Variants in WWTR1 observed in about 807,000 individuals in gnomAD.
The protein encoded by WWTR1 is WW domain containing transcription regulator 1.
Under a neutral mutation model 40.1 loss-of-function variants are expected in WWTR1, and 13 were observed. The ratio of observed to expected loss-of-function variants is 0.32; its 90% CI spans 0.21 to 0.52. The LOEUF (loss-of-function observed/expected upper bound fraction) is 0.52. Among genes scored for constraint, WWTR1 ranks in the 20% least tolerant of loss-of-function variants. The probability of loss-of-function intolerance (pLI) is 0.97; values close to 1 mark genes in which losing one functional copy is unlikely to be tolerated. For synonymous variants in WWTR1, 230 were observed against 210.1 expected, an observed-to-expected ratio of 1.09 and a Z score of -0.82; for missense variants, 436 against 523.1, an observed-to-expected ratio of 0.83 and a Z score of 1.63.
chr3:149,714,401 C>T (rs1409167631), intron 5 of WWTR1, among the ~76,000 whole-genome samples: 1 of 152,218 alleles, frequency 6.6e-6, no homozygotes, highest in East Asian at 1.9e-4. Context: ...GGTCTGCTCC[C>T]AGTGTCTAGC....
At chr3:149,561,217 A>C (rs1737065924) in intron 3 of WWTR1, among the ~76,000 whole-genome samples, 1 of 152,188 alleles carries the variant, frequency 6.6e-6, no homozygotes, top group Non-Finnish European at 1.5e-5. Flanking sequence ...TGGTTAAATA[A>C]ATTATGGCAT....
At chr3:149,672,055 G>T (rs1192467597) in intron 1 of WWTR1, among the ~76,000 whole-genome samples, 1 of 152,012 alleles carries the variant, frequency 6.6e-6, no homozygotes, top group African/African-American at 2.4e-5. Context: ...TAGAAAAAGG[G>T]TTTAGCTTGT....
chr3:149,589,984 G>C (rs1364727290), intron 2 of WWTR1, among the ~76,000 whole-genome samples: 1 of 152,130 alleles, frequency 6.6e-6, no homozygotes, highest in African/African-American at 2.4e-5. Flanking sequence ...TCTAGAGAAT[G>C]CTGTCACATT....
chr3:149,622,502 G>GAAGGAAGAAAGAAAGA (rs1553800283), intron 2 of WWTR1, among the ~76,000 whole-genome samples: 657 of 46,204 alleles, frequency 0.014, 10 homozygotes, highest in African/African-American at 0.022. Flanking sequence ...AGGAAGGAAG[G>GAAGGAAGAAAGAAAGA]AAGAAAGAAA....
At chr3:149,564,553 A>G (rs1007260020) in intron 3 of WWTR1, among the ~76,000 whole-genome samples, 3 of 151,650 alleles carry the variant, frequency 2.0e-5, no homozygotes, top group Admixed American at 6.6e-5. Context: ...GAGAAAATAG[A>G]GGGAATCACC....
chr3:149,690,222 G>A (rs1025144540), intron 1 of WWTR1, among the ~76,000 whole-genome samples: 2 of 151,748 alleles, frequency 1.3e-5, no homozygotes, highest in South Asian at 2.1e-4. Flanking sequence ...AAGGAAGGGA[G>A]ATAAAACCAA....
intron 3 of WWTR1, among the ~76,000 whole-genome samples, chr3:149,566,218 C>CT (rs560562057): frequency 5.2e-4 from 79 of 152,040 alleles, no homozygotes; most frequent in Non-Finnish European, 6.9e-4. Context: ...ACTTTTCCTT[C>CT]TTTTTTTTAA....
intron 4 of WWTR1, among the ~76,000 whole-genome samples, chr3:149,536,438 T>G (rs1735837764): frequency 6.6e-6 from 1 of 150,970 alleles, no homozygotes; most frequent in East Asian, 2.0e-4. Context: ...TACGACACTC[T>G]CCTAGCTCGC....
chr3:149,674,429 A>T (rs542430599), intron 1 of WWTR1, among the ~76,000 whole-genome samples: 4 of 151,778 alleles, frequency 2.6e-5, no homozygotes, highest in Non-Finnish European at 5.9e-5. Context: ...TCTACTAAAC[A>T]TACAAAAATT....
At chr3:149,713,541 C>G (rs572900518) in intron 5 of WWTR1, among the ~76,000 whole-genome samples, 1 of 151,982 alleles carries the variant, frequency 6.6e-6, no homozygotes, top group Non-Finnish European at 1.5e-5. Context: ...CCACCACGCC[C>G]GACTAATTTT....
At chr3:149,553,009 C>T (rs1010712546) in intron 3 of WWTR1, among the ~76,000 whole-genome samples, 1 of 152,152 alleles carries the variant, frequency 6.6e-6, no homozygotes, top group Non-Finnish European at 1.5e-5. Flanking sequence ...TGAACAGGGC[C>T]CAGCTTTTGG....
chr3:149,685,575 T>C (rs1042174180), intron 1 of WWTR1, among the ~76,000 whole-genome samples: 1 of 152,202 alleles, frequency 6.6e-6, no homozygotes, highest in African/African-American at 2.4e-5. Context: ...TCCTGGTAAA[T>C]AGAGCCCTGG....
At chr3:149,549,427 G>A (rs902222405) in intron 3 of WWTR1, among the ~76,000 whole-genome samples, 1 of 152,168 alleles carries the variant, frequency 6.6e-6, no homozygotes, top group African/African-American at 2.4e-5. Context: ...AATTTCAATA[G>A]AAAGGCATCT....
At chr3:149,532,890 G>T (rs1409455160) in intron 4 of WWTR1, among the ~76,000 whole-genome samples, 1 of 152,166 alleles carries the variant, frequency 6.6e-6, no homozygotes, top group African/African-American at 2.4e-5. Flanking sequence ...GACAGGCACT[G>T]GATGAAGTAA....
At chr3:149,601,710 A>ATT (rs3976504) in intron 2 of WWTR1, among the ~76,000 whole-genome samples, 6 of 150,776 alleles carry the variant, frequency 4.0e-5, no homozygotes, top group South Asian at 2.1e-4. Context: ...GAAAAAAATT[A>ATT]TTTTTTTTTT....
At chr3:149,523,278 C>T (rs867392149) in intron 6 of WWTR1, among the ~76,000 whole-genome samples, 9 of 147,604 alleles carry the variant, frequency 6.1e-5, no homozygotes, top group African/African-American at 7.5e-5. Flanking sequence ...GATGGAGTTT[C>T]GCTCTTGCTG....
intron 2 of WWTR1, among the ~76,000 whole-genome samples, chr3:149,666,528 T>A (rs570779973): frequency 1.3e-5 from 2 of 152,358 alleles, no homozygotes; most frequent in South Asian, 4.1e-4. Context: ...AATCTAGTTA[T>A]GATCATTAAA....
At chr3:149,699,592 C>T (rs1006666436) in intron 1 of WWTR1, among the ~76,000 whole-genome samples, 1 of 152,142 alleles carries the variant, frequency 6.6e-6, no homozygotes, top group Non-Finnish European at 1.5e-5. Flanking sequence ...CGTGCTCAGC[C>T]AGTCATCACT....
chr3:149,592,796 C>T (rs12632837), intron 2 of WWTR1, among the ~76,000 whole-genome samples: 10,236 of 152,098 alleles, frequency 0.067, 812 homozygotes, highest in East Asian at 0.33. Flanking sequence ...TCCCTTGGTT[C>T]GGGGTCACAG....
Sources: gnomAD v4.1 joint callset for allele counts (sites outside exome capture counted in the v4.1 genomes callset) on GRCh38, gnomAD v4.1.1 for gene constraint, MANE v1.5 for transcripts, NCBI Gene and HGNC (gene_info 2026-07-23, HGNC 2026-07-21) for gene names.